CNBD1: variants seen among roughly 807,000 people sequenced by gnomAD.
CNBD1 encodes cyclic nucleotide binding domain containing 1, also known as cyclic nucleotide-binding domain-containing protein 1.
A neutral mutation model predicts 54.4 loss-of-function variants in CNBD1; 71 were observed. The observed-to-expected ratio is 1.30, with a 90% CI of 1.08 to 1.59. The LOEUF is 1.59. CNBD1 is among the 40% of genes most tolerant of loss of function. The probability of loss-of-function intolerance (pLI) is 0.00; values close to 1 mark genes in which losing one functional copy is unlikely to be tolerated. For synonymous variants in CNBD1, 182 were observed against 170.7 expected (o/e 1.07, Z -0.51); for missense variants, 659 against 518.0 (o/e 1.27, Z -2.64).
At chr8:87,066,569 T>C (rs891445882) in intron 4 of CNBD1, among the ~76,000 whole-genome samples, 1 of 151,970 alleles carries the variant, frequency 6.6e-6, no homozygotes, top group African/African-American at 2.4e-5. Context: ...ACACTCTTAT[T>C]TTAGTTTTGG....
At chr8:87,373,447 T>C (rs1013671502) in intron 10 of CNBD1, among the ~76,000 whole-genome samples, 4 of 151,880 alleles carry the variant, frequency 2.6e-5, no homozygotes, top group Non-Finnish European at 2.9e-5. Context: ...ACATGAAACA[T>C]TTTGAGACCA....
intron 4 of CNBD1, among the ~76,000 whole-genome samples, chr8:87,118,252 T>G (rs1309968297): frequency 6.8e-6 from 1 of 146,542 alleles, no homozygotes; most frequent in East Asian, 2.0e-4. Context: ...GAGGCGGAGG[T>G]TGCAGTGAGC....
chr8:87,060,298 G>A (rs1214880911), intron 4 of CNBD1, among the ~76,000 whole-genome samples: 2 of 152,080 alleles, frequency 1.3e-5, no homozygotes, highest in African/African-American at 2.4e-5. Flanking sequence ...TAAGTTTGTG[G>A]CAATTCATTA....
At chr8:86,927,323 G>A (rs560744371) in intron 3 of CNBD1, among the ~76,000 whole-genome samples, 46 of 152,190 alleles carry the variant, frequency 3.0e-4, no homozygotes, top group African/African-American at 9.1e-4. Context: ...TGGGGGAGGC[G>A]CTGCTGCAGG....
At chr8:87,165,633 A>G (rs1347680335) in intron 4 of CNBD1, among the ~76,000 whole-genome samples, 1 of 151,822 alleles carries the variant, frequency 6.6e-6, no homozygotes. Context: ...CTTTCAGCCT[A>G]TGTGTCCTTA....
intron 8 of CNBD1, among the ~76,000 whole-genome samples, chr8:87,319,344 A>T (rs904887685): frequency 1.3e-5 from 2 of 152,146 alleles, no homozygotes; most frequent in Non-Finnish European, 2.9e-5. Context: ...TCATATTCCC[A>T]TAGGTATTTT....
At position 87,007,965 on chromosome 8, in the gene CNBD1, T is replaced by A. The variant is rs1809136775; in HGVS notation, c.431+68211T>A. On this transcript the variant is annotated intron_variant, in intron 4 of 10. Transcript: ENST00000518476. ...TATAAGTGATACTTGAGGTGAGGGATAAAAAAAGAACTAGTCCTAACAAAT... is the reference window on the plus strand; with the variant it reads ...TATAAGTGATACTTGAGGTGAGGGAAAAAAAAAGAACTAGTCCTAACAAAT... Among the ~76,000 whole-genome samples the A allele has an allele frequency of 2.0e-5, 3 of 152,240 alleles. No individual in the cohort carries two copies. The South Asian group carries it at 6.2e-4, about 32-fold the overall frequency.
At chr8:87,062,487 C>T (rs1012249113) in intron 4 of CNBD1, among the ~76,000 whole-genome samples, 5 of 152,104 alleles carry the variant, frequency 3.3e-5, no homozygotes, top group Non-Finnish European at 5.9e-5. Flanking sequence ...CCTGTAATCC[C>T]GGCACTTTGT....
In CNBD1 at chr8:87,370,444, T is replaced by C. The variant is rs549032314; in HGVS notation, c.1304-12176T>C. On this transcript the variant is annotated intron_variant, in intron 10 of 10. Transcript: ENST00000518476. ...CTAACTGGTGTGAGATGGTATCTCA[T>C]TGTGGTTTTGATTTGCATTTCTCTG... 9.4e-4 allele frequency among the ~76,000 whole-genome samples: 143 copies of C among 152,256 alleles called. 2 individuals are homozygous for C. In the South Asian group the frequency reaches 9.7e-3, roughly 10 times the overall value.
intron 4 of CNBD1, among the ~76,000 whole-genome samples, chr8:87,069,782 T>C (rs1810724077): frequency 6.6e-6 from 1 of 152,134 alleles, no homozygotes; most frequent in South Asian, 2.1e-4. Flanking sequence ...TAGTTATGGA[T>C]AAATTTCATA....
At chr8:87,138,466 C>G (rs968176573) in intron 4 of CNBD1, among the ~76,000 whole-genome samples, 6 of 152,182 alleles carry the variant, frequency 3.9e-5, no homozygotes, top group African/African-American at 1.4e-4. Context: ...GGTAACTTCT[C>G]TGTTTGCAAG....
intron 8 of CNBD1, among the ~76,000 whole-genome samples, chr8:87,292,118 A>G (rs1808798511): frequency 6.6e-6 from 1 of 152,208 alleles, no homozygotes; most frequent in African/African-American, 2.4e-5. Context: ...CTTAAAATAT[A>G]TTAATACATT....
intron 4 of CNBD1, among the ~76,000 whole-genome samples, chr8:86,956,590 G>C (rs558717012): frequency 6.6e-6 from 1 of 152,234 alleles, no homozygotes; most frequent in South Asian, 2.1e-4. Flanking sequence ...TCCCTTTGAA[G>C]CAATTGTGAA....
At chr8:87,030,896 T>C (rs1418402363) in intron 4 of CNBD1, among the ~76,000 whole-genome samples, 3 of 51,654 alleles carry the variant, frequency 5.8e-5, no homozygotes, top group South Asian at 1.0e-3. Flanking sequence ...CCCTCCCCTC[T>C]CCTCCCCACC....
At chr8:87,319,215 T>C (rs1809466996) in intron 8 of CNBD1, among the ~76,000 whole-genome samples, 1 of 152,064 alleles carries the variant, frequency 6.6e-6, no homozygotes, top group Non-Finnish European at 1.5e-5. Flanking sequence ...CAGAGAAGTT[T>C]CAGGAGGATA....
At chr8:87,038,604 G>T (rs1809998982) in intron 4 of CNBD1, among the ~76,000 whole-genome samples, 1 of 152,152 alleles carries the variant, frequency 6.6e-6, no homozygotes, top group Non-Finnish European at 1.5e-5. Flanking sequence ...TACAAATCTT[G>T]CAACCTCCAG....
At chr8:87,141,380 G>A (rs1417217969) in intron 4 of CNBD1, among the ~76,000 whole-genome samples, 1 of 152,040 alleles carries the variant, frequency 6.6e-6, no homozygotes, top group Non-Finnish European at 1.5e-5. Flanking sequence ...AAACATATAT[G>A]TTCTTACACT....
chr8:87,323,412 C>T (rs1272400922), intron 8 of CNBD1, among the ~76,000 whole-genome samples: 7 of 139,722 alleles, frequency 5.0e-5, no homozygotes, highest in South Asian at 4.5e-4. Context: ...GCCATTTTCA[C>T]GATATTGATT....
chr8:87,329,606 G>T (rs1269198388), intron 8 of CNBD1, among the ~76,000 whole-genome samples: 1 of 151,932 alleles, frequency 6.6e-6, no homozygotes, highest in Non-Finnish European at 1.5e-5. Flanking sequence ...TATTCATACA[G>T]AAATACATTT....
Sources: gnomAD v4.1 joint callset for allele counts (sites outside exome capture counted in the v4.1 genomes callset) on GRCh38, gnomAD v4.1.1 for gene constraint, MANE v1.5 for transcripts, NCBI Gene and HGNC (gene_info 2026-07-23, HGNC 2026-07-21) for gene names.